Variants in TENM4 observed in about 807,000 individuals in gnomAD.
TENM4 encodes teneurin-4.
Under a neutral mutation model 243.3 loss-of-function variants are expected in TENM4, and 82 were observed. The ratio of observed to expected loss-of-function variants is 0.34; its 90% confidence interval spans 0.28 to 0.40. The LOEUF (loss-of-function observed/expected upper bound fraction) is 0.40, where lower values mean the gene tolerates loss of function less well. Among genes scored for constraint, TENM4 ranks in the 10% least tolerant of loss-of-function variants. TENM4 has a pLI of 1.00. For synonymous variants in TENM4, 1,412 were observed against 1,456.3 expected (o/e 0.97, Z 0.69); for missense variants, 3,138 against 3,673.3 (o/e 0.85, Z 3.77).
In TENM4 at chr11:79,378,883, T is replaced by G. The variant is rs577152757; in HGVS notation, c.-321+61626A>C. On this transcript the variant is annotated intron_variant, in intron 1 of 33. Transcript: ENST00000278550. ...GGGTGACAGAATGAGGCCCTGTCTGTTAAAAAAAAAAAAAAAAAAAAGGAA... is the reference window on the plus strand; with the variant it reads ...GGGTGACAGAATGAGGCCCTGTCTGGTAAAAAAAAAAAAAAAAAAAAGGAA... 2.7e-4 allele frequency among the ~76,000 whole-genome samples: 36 copies of G among 133,484 alleles called. 1 individual carries two copies. The highest frequency in any genetic ancestry group is 1.1e-3 in the African/African-American group (36 of 33,114). 87.6% of individuals were successfully genotyped at this position (133,484 alleles called of 152,430 possible).
At chr11:79,346,859 A>G (rs1195450967) in intron 1 of TENM4, among the ~76,000 whole-genome samples, 1 of 152,216 alleles carries the variant, frequency 6.6e-6, no homozygotes, top group Admixed American at 6.5e-5. Context: ...GTGATTTGCA[A>G]CCATACAGTA....
intron 12 of TENM4, among the ~76,000 whole-genome samples, chr11:78,853,441 C>A (rs983357180): frequency 1.3e-5 from 2 of 152,184 alleles, no homozygotes; most frequent in Non-Finnish European, 2.9e-5. Flanking sequence ...GGCTTCTGAG[C>A]TGGCCCAGGG....
At chr11:78,729,691 G>C (rs512004) in intron 21 of TENM4, 48 bp from the exon 22 acceptor site, 322,306 of 1,548,944 alleles carry the variant, frequency 0.21, 36,164 homozygotes, top group African/African-American at 0.42. Flanking sequence ...TCGACTCACC[G>C]AGTGGAGGGA....
rs534761995 is a variant in TENM4, at chr11:78,763,006, T to C, written c.2540-5985A>G. Among the ~76,000 whole-genome samples the C allele has an allele frequency of 3.9e-5, 6 of 152,346 alleles. No individual in the cohort carries two copies. In the South Asian group the frequency reaches 1.2e-3, roughly 32 times the overall value. On this transcript the variant is annotated intron_variant, in intron 18 of 33. Transcript: ENST00000278550. ...CTTGGAAACATTTATAGTTTCCAAATACTTCATATCTCACTTAATTATATA... is the reference window on the plus strand; with the variant it reads ...CTTGGAAACATTTATAGTTTCCAAACACTTCATATCTCACTTAATTATATA...
At chr11:79,004,425 A>G (rs982319653) in intron 6 of TENM4, among the ~76,000 whole-genome samples, 1 of 152,240 alleles carries the variant, frequency 6.6e-6, no homozygotes, top group Non-Finnish European at 1.5e-5. Flanking sequence ...CTCTTGGACC[A>G]CAGCACAATA....
chr11:79,001,065 T>C (rs1858310273), intron 6 of TENM4, among the ~76,000 whole-genome samples: 2 of 152,232 alleles, frequency 1.3e-5, no homozygotes, highest in South Asian at 4.1e-4. Flanking sequence ...AATCCAATCA[T>C]ATAAATAATG....
At chr11:79,135,768 A>G (rs542415654) in intron 4 of TENM4, among the ~76,000 whole-genome samples, 142 of 138,766 alleles carry the variant, frequency 1.0e-3, no homozygotes, top group Non-Finnish European at 1.9e-3. Context: ...TATATATCAT[A>G]TATACATATA....
intron 14 of TENM4, among the ~76,000 whole-genome samples, chr11:78,807,608 T>C (rs1177460428): frequency 1.3e-5 from 2 of 152,134 alleles, no homozygotes; most frequent in Non-Finnish European, 2.9e-5. Context: ...TACCAAAAAG[T>C]TGTTAGGTCT....
At chr11:79,186,686 G>A (rs1419872529) in intron 3 of TENM4, among the ~76,000 whole-genome samples, 2 of 152,140 alleles carry the variant, frequency 1.3e-5, no homozygotes, top group African/African-American at 4.8e-5. Flanking sequence ...AGGATGATGA[G>A]GGCAAAGAGA....
At chr11:79,199,062 A>G (rs1403959537) in intron 3 of TENM4, among the ~76,000 whole-genome samples, 1 of 152,100 alleles carries the variant, frequency 6.6e-6, no homozygotes, top group Non-Finnish European at 1.5e-5. Context: ...TGGAGCAAAG[A>G]GAGGGGGAAG....
chr11:79,130,727 G>A (rs1417068537), intron 4 of TENM4, among the ~76,000 whole-genome samples: 1 of 152,130 alleles, frequency 6.6e-6, no homozygotes, highest in African/African-American at 2.4e-5. Context: ...GGAGGCTGAG[G>A]CAGGAGAATG....
chr11:79,376,277 TC>T (rs1857889582), intron 1 of TENM4, among the ~76,000 whole-genome samples: 1 of 152,202 alleles, frequency 6.6e-6, no homozygotes, highest in African/African-American at 2.4e-5. Flanking sequence ...GTAGGTGAAC[TC>T]AAAACAAGAT....
intron 4 of TENM4, among the ~76,000 whole-genome samples, chr11:79,090,837 A>G (rs997438658): frequency 1.3e-5 from 2 of 152,226 alleles, no homozygotes; most frequent in African/African-American, 4.8e-5. Context: ...GAGGCTGCCA[A>G]GATGGGTCTT....
chr11:79,209,969 A>T (rs1194782920), intron 3 of TENM4, among the ~76,000 whole-genome samples: 2 of 152,222 alleles, frequency 1.3e-5, no homozygotes, highest in African/African-American at 2.4e-5. Flanking sequence ...TGAAGATAAA[A>T]CATACAATAT....
chr11:79,397,111 C>T (rs558541625), intron 1 of TENM4, among the ~76,000 whole-genome samples: 2 of 152,202 alleles, frequency 1.3e-5, no homozygotes, highest in Admixed American at 6.5e-5. Flanking sequence ...CGTGTTAGGG[C>T]AGAACACTCA....
chr11:78,925,738 A>C (rs1359121893), intron 6 of TENM4, among the ~76,000 whole-genome samples: 2 of 152,156 alleles, frequency 1.3e-5, no homozygotes, highest in Non-Finnish European at 2.9e-5. Context: ...TTAGCCTGGC[A>C]TTCAAGGTCC....
intron 21 of TENM4, among the ~76,000 whole-genome samples, chr11:78,730,219 G>A (rs1227288061): frequency 6.6e-6 from 1 of 152,212 alleles, no homozygotes; most frequent in Non-Finnish European, 1.5e-5. Flanking sequence ...GCTGCTGGTG[G>A]TGGTGCTGGC....
chr11:78,897,250 G>A (rs1855819704), intron 7 of TENM4, among the ~76,000 whole-genome samples: 1 of 152,140 alleles, frequency 6.6e-6, no homozygotes, highest in South Asian at 2.1e-4. Context: ...CACTGAGAGA[G>A]GACCCCAGAA....
intron 4 of TENM4, among the ~76,000 whole-genome samples, chr11:79,144,465 A>G (rs1396289869): frequency 6.6e-6 from 1 of 152,102 alleles, no homozygotes; most frequent in Non-Finnish European, 1.5e-5. Flanking sequence ...TATATTGAAG[A>G]GATATCTGCA....
Sources: gnomAD v4.1 joint callset for allele counts (sites outside exome capture counted in the v4.1 genomes callset) on GRCh38, gnomAD v4.1.1 for gene constraint, MANE v1.5 for transcripts, NCBI Gene and HGNC (gene_info 2026-07-23, HGNC 2026-07-21) for gene names.